The following CNTN4 variants were observed in gnomAD, a reference collection of about 807,000 sequenced individuals.
The protein encoded by CNTN4 is contactin 4.
CNTN4 carries 77 observed loss-of-function variants against 122.5 expected under a neutral mutation model. The observed-to-expected ratio is 0.63, with a 90% CI of 0.52 to 0.76. The LOEUF is 0.76. Among genes scored for constraint, CNTN4 ranks in the 30% least tolerant of loss-of-function variants. The probability of loss-of-function intolerance (pLI) is 0.00; values close to 1 mark genes in which losing one functional copy is unlikely to be tolerated. For synonymous variants in CNTN4, 512 were observed against 447.0 expected (o/e 1.15, Z -1.83); for missense variants, 1,256 against 1,259.1 (o/e 1.00, Z 0.04).
chr3:2,655,390 G>A (rs2083542316), intron 4 of CNTN4, among the ~76,000 whole-genome samples: 1 of 152,172 alleles, frequency 6.6e-6, no homozygotes, highest in South Asian at 2.1e-4. Flanking sequence ...CCTTGGTTCT[G>A]TATGCCCTTC....
chr3:2,122,024 C>T (rs2727908), intron 2 of CNTN4, among the ~76,000 whole-genome samples: 54 of 148,404 alleles, frequency 3.6e-4, no homozygotes, highest in Non-Finnish European at 6.9e-4. Flanking sequence ...GGCGTGGTGG[C>T]GGCGCCTGTA....
chr3:2,892,844 G>C (rs2094059447), intron 10 of CNTN4, among the ~76,000 whole-genome samples: 1 of 152,166 alleles, frequency 6.6e-6, no homozygotes, highest in African/African-American at 2.4e-5. Flanking sequence ...CCAACCCTTT[G>C]ATTTTTATAA....
intron 2 of CNTN4, among the ~76,000 whole-genome samples, chr3:2,314,508 A>G (rs903769324): frequency 5.9e-5 from 9 of 151,936 alleles, no homozygotes; most frequent in African/African-American, 1.7e-4. Flanking sequence ...TGATGTGATA[A>G]TAGGTGAAAG....
intron 13 of CNTN4, among the ~76,000 whole-genome samples, chr3:2,971,905 G>A (rs1692961190): frequency 6.6e-6 from 1 of 152,198 alleles, no homozygotes; most frequent in Non-Finnish European, 1.5e-5. Context: ...ATTTTCGGAA[G>A]TGCACTTTAC....
chr3:2,263,967 T>C (rs1448838513), intron 2 of CNTN4, among the ~76,000 whole-genome samples: 1 of 152,206 alleles, frequency 6.6e-6, no homozygotes, highest in East Asian at 1.9e-4. Flanking sequence ...GGCCAAATAA[T>C]ATTCCATTGT....
intron 6 of CNTN4, among the ~76,000 whole-genome samples, chr3:2,810,149 G>A (rs116103238): frequency 0.012 from 1,851 of 152,174 alleles, 32 homozygotes; most frequent in African/African-American, 0.042. Flanking sequence ...GGGAAAATCC[G>A]GATTCTAATC....
At chr3:2,719,977 C>T (rs1256405837) in intron 4 of CNTN4, among the ~76,000 whole-genome samples, 2 of 152,098 alleles carry the variant, frequency 1.3e-5, no homozygotes, top group African/African-American at 4.8e-5. Context: ...GATCAGATAT[C>T]CACAGTGTGG....
chr3:2,773,084 G>A (rs2091171935), intron 6 of CNTN4, among the ~76,000 whole-genome samples: 1 of 152,134 alleles, frequency 6.6e-6, no homozygotes, highest in Non-Finnish European at 1.5e-5. Context: ...CCAGTATCCA[G>A]ATAGTGGGGT....
At chr3:2,279,090 C>CTTAGTT (rs2041623002) in intron 2 of CNTN4, among the ~76,000 whole-genome samples, 3 of 151,728 alleles carry the variant, frequency 2.0e-5, no homozygotes, top group Non-Finnish European at 4.4e-5. Context: ...AAGTGGCTTG[C>CTTAGTT]TCACGTTATC....
intron 6 of CNTN4, among the ~76,000 whole-genome samples, chr3:2,803,558 CTTTTTT>C (rs34822164): frequency 1.4e-5 from 2 of 140,708 alleles, no homozygotes; most frequent in African/African-American, 5.2e-5. Flanking sequence ...GTGGTAAATT[CTTTTTT>C]TTTTTTTTTG....
At chr3:2,255,512 A>T (rs1440541153) in intron 2 of CNTN4, among the ~76,000 whole-genome samples, 1 of 152,006 alleles carries the variant, frequency 6.6e-6, no homozygotes, top group Non-Finnish European at 1.5e-5. Flanking sequence ...GCACTTAATT[A>T]TTGGAAGTAA....
chr3:2,564,656 T>C (rs1320998254), intron 3 of CNTN4, among the ~76,000 whole-genome samples: 1 of 152,132 alleles, frequency 6.6e-6, no homozygotes, highest in Non-Finnish European at 1.5e-5. Flanking sequence ...GGAACGCAGT[T>C]ATTCTGAATC....
chr3:2,248,624 A>G (rs1177051891), intron 2 of CNTN4, among the ~76,000 whole-genome samples: 3 of 151,968 alleles, frequency 2.0e-5, no homozygotes, highest in Admixed American at 6.6e-5. Context: ...CAAGCCTTCT[A>G]TGGGTTGCTT....
At chr3:2,910,943 G>A (rs898949264) in intron 12 of CNTN4, among the ~76,000 whole-genome samples, 1 of 152,148 alleles carries the variant, frequency 6.6e-6, no homozygotes, top group African/African-American at 2.4e-5. Context: ...AAAGCCAATA[G>A]CATTAAAGCA....
At chr3:2,358,508 A>C (rs1049435216) in intron 3 of CNTN4, among the ~76,000 whole-genome samples, 1 of 151,878 alleles carries the variant, frequency 6.6e-6, no homozygotes, top group Admixed American at 6.6e-5. Flanking sequence ...ATAAGTTTTA[A>C]TTGTAATCAA....
At chr3:3,005,927 C>G (rs468926) in intron 14 of CNTN4, among the ~76,000 whole-genome samples, 3 of 150,036 alleles carry the variant, frequency 2.0e-5, no homozygotes, top group Non-Finnish European at 4.4e-5. Flanking sequence ...ACTGTGTCGC[C>G]CAGGCTGGAG....
At chr3:2,919,145 A>T (rs9813005) in intron 12 of CNTN4, among the ~76,000 whole-genome samples, 83,921 of 150,322 alleles carry the variant, frequency 0.56, 23,453 homozygotes, top group East Asian at 0.68. Flanking sequence ...GGAGTTCAAG[A>T]CCAGCCTGGC....
chr3:2,279,719 A>G (rs906908943), intron 2 of CNTN4, among the ~76,000 whole-genome samples: 1 of 152,000 alleles, frequency 6.6e-6, no homozygotes, highest in Non-Finnish European at 1.5e-5. Flanking sequence ...TTTTGTTAAA[A>G]TATCTTTAGA....
intron 5 of CNTN4, among the ~76,000 whole-genome samples, chr3:2,738,459 C>T (rs1294006384): frequency 6.6e-6 from 1 of 152,096 alleles, no homozygotes; most frequent in Non-Finnish European, 1.5e-5. Flanking sequence ...AGCAGACCCT[C>T]ACTAAAGGAA....
Sources: gnomAD v4.1 joint callset for allele counts (sites outside exome capture counted in the v4.1 genomes callset) on GRCh38, gnomAD v4.1.1 for gene constraint, MANE v1.5 for transcripts, NCBI Gene and HGNC (gene_info 2026-07-23, HGNC 2026-07-21) for gene names.